HKDC1: variants seen among roughly 807,000 people sequenced by gnomAD.
The protein encoded by HKDC1 is hexokinase HKDC1.
HKDC1 carries 66 observed loss-of-function variants against 96.6 expected under a neutral mutation model. That is an observed-to-expected ratio of 0.68 (90% CI 0.56 to 0.84). The LOEUF is 0.84. Ranked by LOEUF, HKDC1 falls within the 40% of genes least tolerant of loss-of-function variation. The pLI is 0.00. For missense variants in HKDC1, 1,211 were observed against 1,208.1 expected (o/e 1.00, Z -0.04); for synonymous variants, 466 against 473.1 (o/e 0.98, Z 0.20).
chr10:69,232,770 G>A lies in HKDC1; in HGVS notation c.233G>A (p.Gly78Glu). The change falls in exon 3 of 18, where the codon GGG becomes GAG. Residue 78 changes from glycine to glutamate, a missense_variant. Transcript: ENST00000354624. Reference sequence around the variant, plus strand: ...TGAATTTGTTTCTTAATAGAAAATGGGGAGTTCCTTTCCCTGGATCTCGGA... The same window carrying A: ...TGAATTTGTTTCTTAATAGAAAATGAGGAGTTCCTTTCCCTGGATCTCGGA... ...VRAIPDGSEN[G>E]EFLSLDLGGS... The A allele has an allele frequency of 8.1e-6, 13 of 1,613,992 alleles. No individual in the cohort carries two copies. The highest frequency in any genetic ancestry group is 1.1e-5 in the Non-Finnish European group (13 of 1,179,942).
At chr10:69,258,205 G>T (rs1843749393) in intron 14 of HKDC1, among the ~76,000 whole-genome samples, 1 of 152,162 alleles carries the variant, frequency 6.6e-6, no homozygotes, top group Non-Finnish European at 1.5e-5. Context: ...TGTCTGACTT[G>T]AGTTTCTTCA....
In HKDC1 at chr10:69,253,091, A is replaced by G. The variant is rs1843669597; in HGVS notation, c.1836+2439A>G. On this transcript the variant is annotated intron_variant, in intron 12 of 17. Transcript: ENST00000354624. ...AATAAAGATTTTTAATTGGGAAGCT[A>G]AGACACAGGAAGGTCAGTATTGTGT... is the stretch of plus-strand genomic sequence containing the variant. 2.6e-5 allele frequency among the ~76,000 whole-genome samples: 4 copies of G among 152,100 alleles called. No homozygotes were observed. In the South Asian group the frequency reaches 8.3e-4, roughly 32 times the overall value.
intron 16 of HKDC1, 113 bp downstream of exon 16, chr10:69,261,407 AG>A: frequency 1.0e-6 from 1 of 964,032 alleles, no homozygotes; most frequent in Non-Finnish European, 1.6e-6. Flanking sequence ...TGGCTGGGTA[AG>A]GGATTGCCTC....
At chr10:69,221,479 A>G (rs901354160) in intron 1 of HKDC1, among the ~76,000 whole-genome samples, 1 of 152,114 alleles carries the variant, frequency 6.6e-6, no homozygotes, top group African/African-American at 2.4e-5. Flanking sequence ...GGCAAAAAGC[A>G]TCTCTCAAAG....
chr10:69,221,398 G>T (rs1384363804), intron 1 of HKDC1, among the ~76,000 whole-genome samples: 3 of 152,056 alleles, frequency 2.0e-5, no homozygotes, highest in South Asian at 2.1e-4. Flanking sequence ...AGGGAACCAG[G>T]GTTCTTTCCA....
rs376398450 is a variant in HKDC1, at chr10:69,227,368, C to T, written c.225C>T (p.Ser75=). ...TCGTCAGGGCCATTCCCGATGGTTCCGGTGAGTGCAGTTGTCCGCTGCCAG... is the reference window on the plus strand; with the variant it reads ...TCGTCAGGGCCATTCCCGATGGTTCTGGTGAGTGCAGTTGTCCGCTGCCAG... ...PTFVRAIPDG[S]ENGEFLSLDL... Residue 75 remains serine (S), a splice_region_variant and synonymous_variant, in exon 2 of 18, where the codon TCC becomes TCT. Coordinates refer to ENST00000354624, the MANE Select transcript of HKDC1 (RefSeq NM_025130.4). 2.9e-5 allele frequency: 46 copies of T among 1,613,982 alleles called. No homozygotes were observed. Among genetic ancestry groups the T allele is most frequent in the Middle Eastern group, 1.6e-4 (1 of 6,082 alleles).
chr10:69,245,313 G>A (rs117866659), intron 7 of HKDC1, among the ~76,000 whole-genome samples: 3,391 of 152,160 alleles, frequency 0.022, 68 homozygotes, highest in Middle Eastern at 0.041. Context: ...GGCCTGATGC[G>A]GTGGCTCTTA....
intron 12 of HKDC1, among the ~76,000 whole-genome samples, chr10:69,252,485 A>G (rs1209954915): frequency 6.6e-6 from 1 of 151,916 alleles, no homozygotes; most frequent in Non-Finnish European, 1.5e-5. Context: ...CTCTACTAAA[A>G]ATACAAAAAA....
intron 1 of HKDC1, chr10:69,226,102 A>T (rs546212724): frequency 6.6e-6 from 1 of 152,218 alleles, no homozygotes; most frequent in Non-Finnish European, 1.5e-5. Context: ...CGGGCTCCAG[A>T]CTGCCAGCAC....
chr10:69,250,635 C>T lies in HKDC1; in HGVS notation c.1819C>T (p.Gln607Ter). The T allele has an allele frequency of 6.2e-7, 1 of 1,613,896 alleles. No homozygotes were observed. Among genetic ancestry groups the T allele is most frequent in the East Asian group, 2.2e-5 (1 of 44,884 alleles). The change falls in exon 12 of 18, where the codon CAG becomes TAG. Residue 607 changes from glutamine to a stop codon, truncating the protein, a stop_gained. Coordinates refer to ENST00000354624, the MANE Select transcript of HKDC1 (RefSeq NM_025130.4). LOFTEE classifies it high-confidence loss of function. ...LGFTFSFPCR[Q>*]MSIDKGTLIG... ...CTTCACATTCTCATTTCCCTGCAGG[C>T]AGATGAGCATTGACAAGGTAAGATA... is the stretch of plus-strand genomic sequence containing the variant.
chr10:69,232,472 A>C, intron 2 of HKDC1: 1 of 385,030 alleles, frequency 2.6e-6, no homozygotes, highest in South Asian at 3.2e-5. Context: ...ATACCACCGC[A>C]AGGGCTGTGC....
chr10:69,228,042 A>G (rs557673585), intron 2 of HKDC1, among the ~76,000 whole-genome samples: 6 of 152,292 alleles, frequency 3.9e-5, no homozygotes, highest in Non-Finnish European at 5.9e-5. Flanking sequence ...GTGGCTGAAA[A>G]CAATCGAATA....
Position 69,257,364 on chromosome 10 carries a change from C to T in HKDC1, c.1970C>T (p.Thr657Ile). ...DLDIVAVVNDTVGTMMTCGYE... is the reference protein window; with the variant it reads ...DLDIVAVVNDIVGTMMTCGYE... The stretch of plus-strand genomic sequence containing the variant: ...GACATTGTTGCAGTCGTGAATGATA[C>T]AGTGGGGACCATGATGACCTGTGGC... The change falls in exon 14 of 18, where the codon ACA becomes ATA. Residue 657 changes from threonine to isoleucine, a missense_variant. Physicochemically the swap from Thr to Ile is moderately conservative, Grantham distance 89. Coordinates refer to ENST00000354624, the MANE Select transcript of HKDC1 (RefSeq NM_025130.4). 6.2e-7 allele frequency: 1 copy of T among 1,613,934 alleles called. No individual in the cohort carries two copies. The highest frequency in any genetic ancestry group is 1.1e-5 in the South Asian group (1 of 91,076).
Position 69,258,926 on chromosome 10 carries a change from TG to T in HKDC1, c.2185del (p.Asp729MetfsTer5). The T allele has an allele frequency of 2.5e-6, 4 of 1,597,050 alleles. No homozygotes were observed. Among genetic ancestry groups the T allele is most frequent in the Non-Finnish European group, 3.4e-6 (4 of 1,172,078 alleles). ...ATCTGGACCCGATACGACACGGAGGTGGATGAGGGGTCCTTGAATCCTGGCA... is the reference window on the plus strand; with the variant it reads ...ATCTGGACCCGATACGACACGGAGGTGATGAGGGGTCCTTGAATCCTGGCA... Reference protein sequence around the residue: ...DDIWTRYDTEVDEGSLNPGKQ... With the variant: ...DDIWTRYDTEXDEGSLNPGKQ... On this transcript the variant is annotated frameshift_variant, in exon 15 of 18. Coordinates refer to ENST00000354624, the MANE Select transcript of HKDC1 (RefSeq NM_025130.4). LOFTEE classifies it high-confidence loss of function.
At chr10:69,257,281 A>T in intron 13 of HKDC1, 46 bp from the exon 14 acceptor site, 1 of 1,559,456 alleles carries the variant, frequency 6.4e-7, no homozygotes, top group South Asian at 1.1e-5. Context: ...TGCACATTCA[A>T]CTCATAGTAA....
At chr10:69,234,994 G>A (rs1020141172) in intron 4 of HKDC1, among the ~76,000 whole-genome samples, 5 of 152,218 alleles carry the variant, frequency 3.3e-5, no homozygotes, top group African/African-American at 1.2e-4. Flanking sequence ...CTGGCGTGGT[G>A]GCTTTTGCCT....
chr10:69,243,439 G>C, intron 7 of HKDC1, 74 bp downstream of exon 7: 1 of 1,326,520 alleles, frequency 7.5e-7, no homozygotes, highest in Non-Finnish European at 1.0e-6. Context: ...CTGGCTACCT[G>C]GGAGGCTTTC....
chr10:69,263,324 C>G (rs536063663), intron 16 of HKDC1, among the ~76,000 whole-genome samples: 16 of 152,274 alleles, frequency 1.1e-4, no homozygotes, highest in African/African-American at 3.9e-4. Context: ...ATCTTGAATT[C>G]CTGGGCTCAA....
chr10:69,250,156 C>T, intron 10 of HKDC1, 134 bp from the exon 11 acceptor site: 1 of 998,154 alleles, frequency 1.0e-6, no homozygotes, highest in Non-Finnish European at 1.5e-6. Context: ...GCAGGGTGGC[C>T]CCCACGACCC....
Sources: gnomAD v4.1 joint callset for allele counts (sites outside exome capture counted in the v4.1 genomes callset) on GRCh38, gnomAD v4.1.1 for gene constraint, MANE v1.5 for transcripts, NCBI Gene and HGNC (gene_info 2026-07-23, HGNC 2026-07-21) for gene names.